KREMEN1: variants seen among roughly 807,000 people sequenced by gnomAD.
The protein encoded by KREMEN1 is kremen protein 1.
A neutral mutation model predicts 46.5 loss-of-function variants in KREMEN1; 30 were observed. The ratio of observed to expected loss-of-function variants is 0.65; its 90% CI spans 0.48 to 0.88. KREMEN1 has a LOEUF of 0.88. KREMEN1 is among the 40% of genes least tolerant of loss of function. KREMEN1 has a pLI of 0.00. For synonymous variants in KREMEN1, 214 were observed against 230.6 expected (o/e 0.93, Z 0.65); for missense variants, 533 against 596.9 (o/e 0.89, Z 1.11).
At chr22:29,128,560 A>G (rs73154248) in intron 5 of KREMEN1, among the ~76,000 whole-genome samples, 1 of 152,318 alleles carries the variant, frequency 6.6e-6, no homozygotes, top group Non-Finnish European at 1.5e-5. Flanking sequence ...CACTATGGAA[A>G]TAGTCTCTAA....
chr22:29,147,875 C>T (rs1285408108), downstream of KREMEN1, among the ~76,000 whole-genome samples: 1 of 152,228 alleles, frequency 6.6e-6, no homozygotes, highest in Non-Finnish European at 1.5e-5. Context: ...GTGAGTAACA[C>T]GGCCCTGTGT....
intron 9 of KREMEN1, among the ~76,000 whole-genome samples, chr22:29,152,808 G>T (rs1330226803): frequency 6.6e-6 from 1 of 152,236 alleles, no homozygotes; most frequent in East Asian, 1.9e-4. Context: ...CAGCCTGGGG[G>T]TGCCCCATGG....
chr22:29,163,214 C>G (rs1201128665), intron 9 of KREMEN1, among the ~76,000 whole-genome samples: 1 of 152,136 alleles, frequency 6.6e-6, no homozygotes, highest in East Asian at 1.9e-4. Flanking sequence ...TTTTCCTGCT[C>G]TAGCTCTCAC....
intron 3 of KREMEN1, among the ~76,000 whole-genome samples, chr22:29,104,324 T>C (rs1405486269): frequency 6.6e-6 from 1 of 151,976 alleles, no homozygotes; most frequent in African/African-American, 2.4e-5. Flanking sequence ...ACCTGGATGA[T>C]TTTTGTATTT....
At chr22:29,146,880 AGG>A (rs945155514), downstream of KREMEN1, 24 of 790,378 alleles carry the variant, frequency 3.0e-5, no homozygotes, top group African/African-American at 4.5e-4. Context: ...GGACAAGCGG[AGG>A]GTGTCTGTGG....
In KREMEN1 at chr22:29,162,186, C is replaced by A. The variant is rs116032086; in HGVS notation, c.1417-4858C>A. Among the ~76,000 whole-genome samples, 782 of 151,806 alleles carry A rather than the reference C, an allele frequency of 5.2e-3. 6 individuals are homozygous for A. Among genetic ancestry groups the A allele is most frequent in the African/African-American group, 0.018 (742 of 41,406 alleles). ...TTCCTGTGATGCAAGATTGGTTCAA[C>A]ATGCATGAATCAATAAATGTGATTC... On this transcript the variant is annotated intron_variant, in intron 9 of 9. Transcript: ENST00000327813.
At chr22:29,152,134 A>C (rs2038919478) in intron 9 of KREMEN1, among the ~76,000 whole-genome samples, 1 of 152,198 alleles carries the variant, frequency 6.6e-6, no homozygotes, top group Non-Finnish European at 1.5e-5. Context: ...TGAAGCAGGA[A>C]GGAAGACCCA....
At chr22:29,161,976 G>T (rs779239215) in intron 9 of KREMEN1, among the ~76,000 whole-genome samples, 2 of 151,986 alleles carry the variant, frequency 1.3e-5, no homozygotes, top group African/African-American at 2.4e-5. Context: ...AAATTAGCCA[G>T]GTATGGTGGT....
rs148738725 is a variant in KREMEN1, at chr22:29,131,523, CATATATATATATAT to C, written c.632-5794_632-5781del. On this transcript the variant is annotated intron_variant, in intron 5 of 8. Transcript: ENST00000400335. ...AGCAACAACTGATCTGTATTCTGTT[CATATATATATATAT>C]ATATATATATATATATATATATATG... Among the ~76,000 whole-genome samples the C allele has an allele frequency of 2.0e-3, 186 of 93,726 alleles. 1 individual carries two copies. The highest frequency in any genetic ancestry group is 4.7e-3 in the Middle Eastern group (1 of 214). The allele number at this position is 93,726 out of a possible 152,430, so 61.5% of individuals were successfully genotyped here. A position where few individuals can be genotyped will look rare whatever the true frequency, so the allele number is the denominator to read the frequency against.
intron 3 of KREMEN1, among the ~76,000 whole-genome samples, chr22:29,115,356 G>T (rs2038221141): frequency 6.6e-6 from 1 of 151,944 alleles, no homozygotes; most frequent in African/African-American, 2.4e-5. Context: ...GGTGATGGGT[G>T]CACCAAAATC....
At chr22:29,086,635 G>GGTA (rs1258174342) in intron 1 of KREMEN1, among the ~76,000 whole-genome samples, 3 of 152,168 alleles carry the variant, frequency 2.0e-5, no homozygotes, top group Non-Finnish European at 4.4e-5. Context: ...GAGGGCAAAG[G>GGTA]GTAGTCTGCC....
chr22:29,080,988 A>T (rs2037646524), intron 1 of KREMEN1, among the ~76,000 whole-genome samples: 1 of 134,098 alleles, frequency 7.5e-6, no homozygotes, highest in Non-Finnish European at 1.6e-5. Flanking sequence ...TGTTACCAGC[A>T]ATGAATTTTT....
chr22:29,077,442 C>T (rs779989231), intron 1 of KREMEN1, among the ~76,000 whole-genome samples: 5 of 152,184 alleles, frequency 3.3e-5, no homozygotes, highest in East Asian at 1.9e-4. Context: ...CTCCGCTTCC[C>T]GGGTTCTAGC....
At position 29,163,001 on chromosome 22, in the gene KREMEN1, A is replaced by G. The variant is rs143982920; in HGVS notation, c.1417-4043A>G. On this transcript the variant is annotated intron_variant, in intron 9 of 9. Coordinates refer to the KREMEN1 transcript ENST00000327813. Reference sequence around the variant, plus strand: ...AGGCCATTCACAAGTACATAAAACCATAAACATTGGGTACTGATATGGTTT... The same window carrying G: ...AGGCCATTCACAAGTACATAAAACCGTAAACATTGGGTACTGATATGGTTT... Among the ~76,000 whole-genome samples the G allele has an allele frequency of 6.6e-4, 100 of 152,294 alleles. 1 individual carries two copies. The East Asian group carries it at 0.019, about 29-fold the overall frequency.
chr22:29,167,118 A>G (rs1396342451), exon 10 of KREMEN1: 3 of 1,550,174 alleles, frequency 1.9e-6, no homozygotes, highest in Admixed American at 2.0e-5. Context: ...TGTAGACACA[A>G]CTAGGCTCCG....
chr22:29,138,001 A>T (rs1211837847), intron 6 of KREMEN1, among the ~76,000 whole-genome samples: 1 of 152,266 alleles, frequency 6.6e-6, no homozygotes, highest in African/African-American at 2.4e-5. Flanking sequence ...TTGGAAGGTT[A>T]TCAAAAGGTC....
intron 2 of KREMEN1, among the ~76,000 whole-genome samples, chr22:29,097,776 C>T (rs1022482): frequency 0.087 from 13,164 of 152,040 alleles, 828 homozygotes; most frequent in African/African-American, 0.17. Context: ...CCAGTAGTTC[C>T]AGTGTCTAGA....
chr22:29,095,519 T>C (rs2037870658), intron 2 of KREMEN1, among the ~76,000 whole-genome samples: 1 of 152,214 alleles, frequency 6.6e-6, no homozygotes, highest in African/African-American at 2.4e-5. Context: ...AATTTAATTA[T>C]TATTAGTACA....
chr22:29,119,388 G>C (rs1469171243), intron 3 of KREMEN1, among the ~76,000 whole-genome samples: 1 of 152,132 alleles, frequency 6.6e-6, no homozygotes, highest in Non-Finnish European at 1.5e-5. Context: ...CATTACATAG[G>C]CATGATTGAT....
Sources: allele counts gnomAD v4.1 joint callset (sites outside exome capture counted in the v4.1 genomes callset), GRCh38; gene constraint gnomAD v4.1.1; transcripts MANE v1.5; gene names NCBI Gene and HGNC (gene_info 2026-07-23, HGNC 2026-07-21).